Variants in USP48 observed in about 807,000 individuals in gnomAD.
USP48 encodes the protein ubiquitin specific peptidase 48.
A neutral mutation model predicts 150.7 loss-of-function variants in USP48; 43 were observed. The observed-to-expected ratio is 0.29, with a 90% CI of 0.22 to 0.37. USP48 has a LOEUF of 0.37. Ranked by LOEUF, USP48 falls within the 10% of genes least tolerant of loss-of-function variation. The probability of loss-of-function intolerance (pLI) is 1.00; values close to 1 mark genes in which losing one functional copy is unlikely to be tolerated. For missense variants in USP48, 813 were observed against 1,249.6 expected (o/e 0.65, Z 5.27); for synonymous variants, 396 against 425.9 (o/e 0.93, Z 0.86).
At chr1:21,742,136 T>A (rs2097783303) in intron 8 of USP48, among the ~76,000 whole-genome samples, 2 of 152,080 alleles carry the variant, frequency 1.3e-5, no homozygotes, top group Admixed American at 1.3e-4. Context: ...ATTTTAGGGT[T>A]TACTTGGAAT....
chr1:21,782,826 G>A lies in USP48; in HGVS notation c.132C>T (p.Cys44=), dbSNP rs1203239749. The change falls in exon 1 of 27, where the codon TGC becomes TGT. Residue 44 remains cysteine, a splice_region_variant and synonymous_variant. Coordinates refer to ENST00000308271, the MANE Select transcript of USP48 (RefSeq NM_032236.8). ...IWLEPCIRGV[C]RRNCKGNPNC... ...GAGGCGCGGTGCGCGGGCCTCACCTGCACACGCCGCGAATGCAGGGCTCCA... is the reference window on the plus strand; with the variant it reads ...GAGGCGCGGTGCGCGGGCCTCACCTACACACGCCGCGAATGCAGGGCTCCA... The A allele has an allele frequency of 2.6e-6, 4 of 1,551,906 alleles. No homozygotes were observed. Among genetic ancestry groups the A allele is most frequent in the East Asian group, 2.5e-5 (1 of 40,608 alleles).
In USP48 at chr1:21,756,593, C is replaced by T. The variant is rs201891267; in HGVS notation, c.365G>A (p.Ser122Asn). The change falls in exon 3 of 27, where the codon AGC becomes AAC. Residue 122 changes from serine to asparagine, a missense_variant. Ser to Asn is a conservative substitution (Grantham distance 46). Transcript: ENST00000308271. Reference protein sequence around the residue: ...ELRQALYLCPSTCSDYMLGDG... With the variant: ...ELRQALYLCPNTCSDYMLGDG... The stretch of plus-strand genomic sequence containing the variant: ...TCCCAGCATGTAGTCACTACAAGTG[C>T]TTGGACATAAGTAGAGTGCCTGCCG... The T allele has an allele frequency of 1.6e-5, 25 of 1,605,014 alleles. No homozygotes were observed. The South Asian group carries it at 2.8e-4, about 18-fold the overall frequency.
intron 26 of USP48, 80 bp downstream of exon 26, chr1:21,680,728 C>A: frequency 1.5e-6 from 2 of 1,359,188 alleles, no homozygotes; most frequent in South Asian, 2.7e-5. Flanking sequence ...AATTTAAAAT[C>A]AAATTATAGC....
chr1:21,757,930 A>G, intron 1 of USP48, 147 bp from the exon 2 acceptor site: 1 of 1,038,136 alleles, frequency 9.6e-7, no homozygotes. Context: ...GAGGGTGTGG[A>G]GAAGAAAGCA....
chr1:21,752,880 T>C (rs917298541), intron 4 of USP48, 112 bp downstream of exon 4: 34 of 1,379,502 alleles, frequency 2.5e-5, no homozygotes, highest in African/African-American at 5.9e-5. Flanking sequence ...TCATTCAAAA[T>C]AGAAAAAATT....
In USP48 at chr1:21,706,835, A is replaced by T; in HGVS notation, c.1997T>A (p.Leu666His). The change falls in exon 16 of 27, where the codon CTT becomes CAT. Residue 666 changes from leucine to histidine, a missense_variant. Physicochemically the swap from Leu to His is moderately conservative, Grantham distance 99. Coordinates refer to ENST00000308271, the MANE Select transcript of USP48 (RefSeq NM_032236.8). ...ELCISENERR[L>H]VSKEAWSKLQ... ...TTTGCTCCAAGCCTCTTTAGAAACA[A>T]GCCTTCTTTCATTTTCAGATATGCA... The T allele has an allele frequency of 6.2e-7, 1 of 1,613,634 alleles. No homozygotes were observed. Among genetic ancestry groups the T allele is most frequent in the Non-Finnish European group, 8.5e-7 (1 of 1,179,854 alleles).
intron 24 of USP48, 73 bp from the exon 25 acceptor site, chr1:21,687,312 T>A (rs754415464): frequency 2.2e-6 from 3 of 1,364,126 alleles, no homozygotes; most frequent in Non-Finnish European, 3.1e-6. Context: ...GGCCCATGAT[T>A]CAACTACTGA....
At chr1:21,704,611 G>T in intron 19 of USP48, 1 of 432,582 alleles carries the variant, frequency 2.3e-6, no homozygotes. Context: ...GAATCAACAT[G>T]GTTAGATCTC....
In USP48 at chr1:21,695,064, A is replaced by C; in HGVS notation, c.2883+2T>G. On this transcript the variant is annotated splice_donor_variant, in intron 23 of 26. Transcript: ENST00000308271. LOFTEE classifies it high-confidence loss of function. ...GCAAACTTGAACAAATGTTTCCCTC[A>C]CCTGAATTTTCAATTCTTTTAACGT... The C allele has an allele frequency of 6.2e-7, 1 of 1,608,190 alleles. No homozygotes were observed. The highest frequency in any genetic ancestry group is 8.5e-7 in the Non-Finnish European group (1 of 1,178,134).
intron 1 of USP48, among the ~76,000 whole-genome samples, chr1:21,760,338 T>C (rs1557590159): frequency 1.3e-5 from 2 of 152,200 alleles, no homozygotes; most frequent in Non-Finnish European, 2.9e-5. Flanking sequence ...GGATTACTGA[T>C]AACAGTAAAA....
intron 1 of USP48, among the ~76,000 whole-genome samples, chr1:21,767,605 G>T (rs1359410608): frequency 6.6e-6 from 1 of 151,198 alleles, no homozygotes; most frequent in Non-Finnish European, 1.5e-5. Flanking sequence ...TTACAGGCAT[G>T]AGCCACCGCG....
At chr1:21,760,438 G>A (rs754258169) in intron 1 of USP48, among the ~76,000 whole-genome samples, 16 of 152,008 alleles carry the variant, frequency 1.1e-4, no homozygotes, top group Non-Finnish European at 2.1e-4. Context: ...AAGGTAGGCC[G>A]GGCACAGTGG....
intron 1 of USP48, among the ~76,000 whole-genome samples, chr1:21,769,094 T>C (rs138824466): frequency 6.6e-6 from 1 of 152,340 alleles, no homozygotes; most frequent in East Asian, 1.9e-4. Context: ...GACATGTTCA[T>C]GATTAGCAGT....
intron 15 of USP48, among the ~76,000 whole-genome samples, chr1:21,711,897 A>C (rs924862323): frequency 1.3e-5 from 2 of 152,250 alleles, no homozygotes; most frequent in African/African-American, 2.4e-5. Context: ...AAGTCTCTTA[A>C]ATTTTCACGG....
Position 21,740,731 on chromosome 1 carries a change from T to C in USP48, c.992-4106A>G, listed in dbSNP as rs140752409. Among the ~76,000 whole-genome samples the C allele has an allele frequency of 1.8e-4, 27 of 152,198 alleles. No homozygotes were observed. In the East Asian group the frequency reaches 3.9e-3, roughly 22 times the overall value. On this transcript the variant is annotated intron_variant, in intron 8 of 26. Transcript: ENST00000308271. ...AGATTTTCACCTCAGTCAGTGGAAA[T>C]AGCAAATACATAAATAAAATTTTAA... is the stretch of plus-strand genomic sequence containing the variant.
chr1:21,739,185 TC>T (rs1417626769), intron 8 of USP48, among the ~76,000 whole-genome samples: 1 of 150,038 alleles, frequency 6.7e-6, no homozygotes, highest in African/African-American at 2.5e-5. Flanking sequence ...AGGTGAGGAG[TC>T]TAACAGGGGA....
At chr1:21,737,138 G>T (rs566952260) in intron 8 of USP48, among the ~76,000 whole-genome samples, 2 of 152,256 alleles carry the variant, frequency 1.3e-5, no homozygotes, top group East Asian at 1.9e-4. Flanking sequence ...ATTTGTCCAA[G>T]GGCACAAACT....
At chr1:21,768,449 G>A (rs1224502901) in intron 1 of USP48, 1 of 152,634 alleles carries the variant, frequency 6.6e-6, no homozygotes, top group Non-Finnish European at 1.5e-5. Context: ...TGGTGTCCTT[G>A]ACCACATGAT....
intron 1 of USP48, among the ~76,000 whole-genome samples, chr1:21,778,365 A>C (rs2097905396): frequency 6.6e-6 from 1 of 152,134 alleles, no homozygotes; most frequent in African/African-American, 2.4e-5. Context: ...TGGCTAAAAG[A>C]AAAAAGGCAG....
Sources: allele counts gnomAD v4.1 joint callset (sites outside exome capture counted in the v4.1 genomes callset), GRCh38; gene constraint gnomAD v4.1.1; transcripts MANE v1.5; gene names NCBI Gene and HGNC (gene_info 2026-07-23, HGNC 2026-07-21).